The following R3HDM2 variants were observed in gnomAD, a reference collection of about 807,000 sequenced individuals.
The protein encoded by R3HDM2 is R3H domain containing 2.
R3HDM2 carries 38 observed loss-of-function variants against 124.5 expected under a neutral mutation model. The observed-to-expected ratio is 0.31, with a 90% confidence interval of 0.24 to 0.40. The LOEUF is 0.40. Ranked by LOEUF, R3HDM2 falls within the 10% of genes least tolerant of loss-of-function variation. The pLI is 1.00. For synonymous variants in R3HDM2, 391 were observed against 448.0 expected, an observed-to-expected ratio of 0.87 and a Z score of 1.61; for missense variants, 869 against 1,236.9, an observed-to-expected ratio of 0.70 and a Z score of 4.46.
At chr12:57,263,977 G>A (rs1176469198) in intron 19 of R3HDM2, among the ~76,000 whole-genome samples, 5 of 152,164 alleles carry the variant, frequency 3.3e-5, no homozygotes, top group African/African-American at 1.2e-4. Context: ...GAGTGGAAAG[G>A]AGATGGTTGG....
At chr12:57,302,667 CAAAA>C (rs756266164) in intron 4 of R3HDM2, among the ~76,000 whole-genome samples, 1 of 39,796 alleles carries the variant, frequency 2.5e-5, no homozygotes. Flanking sequence ...AATTCCGTCT[CAAAA>C]AAAAAAAAAA....
intron 2 of R3HDM2, among the ~76,000 whole-genome samples, chr12:57,360,024 CACACATATATAT>C (rs1476892396): frequency 3.0e-4 from 21 of 70,932 alleles, no homozygotes; most frequent in South Asian, 2.7e-3. Flanking sequence ...TATATATATA[CACACATATATAT>C]ATATATATAT....
intron 2 of R3HDM2, among the ~76,000 whole-genome samples, chr12:57,342,290 T>TC (rs985449310): frequency 2.0e-5 from 3 of 151,934 alleles, no homozygotes; most frequent in Admixed American, 6.6e-5. Context: ...CTGTGCCTCT[T>TC]CCCCCACCCA....
At chr12:57,325,909 G>A (rs921439487) in intron 2 of R3HDM2, among the ~76,000 whole-genome samples, 3 of 151,628 alleles carry the variant, frequency 2.0e-5, no homozygotes, top group African/African-American at 4.8e-5. Flanking sequence ...CAAGTCTATC[G>A]GCACCATTTT....
intron 2 of R3HDM2, among the ~76,000 whole-genome samples, chr12:57,318,540 C>G (rs1251884868): frequency 6.6e-6 from 1 of 151,772 alleles, no homozygotes; most frequent in Non-Finnish European, 1.5e-5. Flanking sequence ...CACAGCTTCT[C>G]AGGAGCCTGA....
intron 2 of R3HDM2, among the ~76,000 whole-genome samples, chr12:57,355,004 T>G (rs118062665): frequency 9.2e-4 from 140 of 151,938 alleles, no homozygotes; most frequent in Non-Finnish European, 1.6e-3. Context: ...TTGTTTTGTT[T>G]GTTTGTTTGC....
intron 1 of R3HDM2, among the ~76,000 whole-genome samples, chr12:57,420,519 C>CT (rs759872645): frequency 0.039 from 4,904 of 124,902 alleles, 114 homozygotes; most frequent in East Asian, 0.12. Flanking sequence ...TACTGGTTTT[C>CT]TTTTTTTTTT....
intron 2 of R3HDM2, among the ~76,000 whole-genome samples, chr12:57,347,921 T>A (rs1470580404): frequency 6.6e-6 from 1 of 152,068 alleles, no homozygotes; most frequent in East Asian, 1.9e-4. Context: ...ATAAAATTGA[T>A]GAATCTCTAG....
chr12:57,315,503 G>C (rs1164886612), intron 2 of R3HDM2, among the ~76,000 whole-genome samples: 1 of 152,186 alleles, frequency 6.6e-6, no homozygotes, highest in East Asian at 1.9e-4. Flanking sequence ...CTTTTTCAAG[G>C]ATGGGCCTTA....
intron 2 of R3HDM2, among the ~76,000 whole-genome samples, chr12:57,377,103 T>TAAATAAATAAATAAAA (rs1186751434): frequency 2.5e-5 from 3 of 121,694 alleles, no homozygotes; most frequent in Admixed American, 1.0e-4. Flanking sequence ...AATAAATAAA[T>TAAATAAATAAATAAAA]AAAAGAGACT....
At chr12:57,411,593 T>C (rs2139298474) in intron 1 of R3HDM2, among the ~76,000 whole-genome samples, 1 of 152,342 alleles carries the variant, frequency 6.6e-6, no homozygotes, top group East Asian at 1.9e-4. Context: ...GTGCAAAATA[T>C]TTTTGTGGAC....
chr12:57,352,609 C>T (rs549308379), intron 2 of R3HDM2, among the ~76,000 whole-genome samples: 1 of 151,496 alleles, frequency 6.6e-6, no homozygotes, highest in Admixed American at 6.6e-5. Flanking sequence ...TCTCCTGTCT[C>T]AGCCTCGTGA....
At chr12:57,337,385 A>G (rs1390170436) in intron 2 of R3HDM2, among the ~76,000 whole-genome samples, 2 of 152,074 alleles carry the variant, frequency 1.3e-5, no homozygotes, top group African/African-American at 4.8e-5. Context: ...ACTCGGGCTC[A>G]AGGGATCTGC....
intron 19 of R3HDM2, among the ~76,000 whole-genome samples, chr12:57,261,643 A>G (rs1384169682): frequency 6.6e-6 from 1 of 151,980 alleles, no homozygotes; most frequent in African/African-American, 2.4e-5. Flanking sequence ...CACTTAGCTG[A>G]GAACACAGAG....
Position 57,352,199 on chromosome 12 carries a change from G to A in R3HDM2, c.-35-41736C>T, listed in dbSNP as rs573293639. ...GGAGGTTGCAGTGAGCCAAGATGGT[G>A]CCACTGCACTCCAGCCTGGGCAACA... On this transcript the variant is annotated intron_variant, in intron 2 of 23. Coordinates refer to ENST00000402412, the MANE Select transcript of R3HDM2 (RefSeq NM_001394031.1). 4.6e-3 allele frequency among the ~76,000 whole-genome samples: 609 copies of A among 132,868 alleles called. 4 individuals carry two copies. The highest frequency in any genetic ancestry group is 7.4e-3 in the Non-Finnish European group (485 of 65,178). The allele number at this position is 132,868 out of a possible 152,430, so 87.2% of individuals were successfully genotyped here.
chr12:57,311,005 A>G (rs537297723), intron 2 of R3HDM2, among the ~76,000 whole-genome samples: 1 of 152,224 alleles, frequency 6.6e-6, no homozygotes, highest in African/African-American at 2.4e-5. Flanking sequence ...AAATTTGCGC[A>G]CATTTCTGGC....
chr12:57,291,465 G>C (rs924544718), intron 11 of R3HDM2, among the ~76,000 whole-genome samples: 3 of 151,432 alleles, frequency 2.0e-5, no homozygotes, highest in African/African-American at 7.3e-5. Context: ...ACCAGTCTGG[G>C]CAACATAGTG....
chr12:57,278,027 C>A (rs1232080977), intron 14 of R3HDM2, among the ~76,000 whole-genome samples: 1 of 152,136 alleles, frequency 6.6e-6, no homozygotes, highest in Non-Finnish European at 1.5e-5. Context: ...GAGATACATA[C>A]AGTGAGATGG....
At position 57,390,755 on chromosome 12, in the gene R3HDM2, C is replaced by T. The variant is rs141781122; in HGVS notation, c.-36+4994G>A. 9.3e-5 allele frequency among the ~76,000 whole-genome samples: 14 copies of T among 151,192 alleles called. No homozygotes were observed. The East Asian group carries it at 2.2e-3, about 23-fold the overall frequency. ...GGCTGGGTGAGGTGGCTCACGCCTG[C>T]AATCCCAGCACTTTGGGAGGTGAGG... On this transcript the variant is annotated intron_variant, in intron 2 of 23. Transcript: ENST00000402412.
Sources: gnomAD v4.1 joint callset for allele counts (sites outside exome capture counted in the v4.1 genomes callset) on GRCh38, gnomAD v4.1.1 for gene constraint, MANE v1.5 for transcripts, NCBI Gene and HGNC (gene_info 2026-07-23, HGNC 2026-07-21) for gene names.